UBASH3B: variants seen among roughly 807,000 people sequenced by gnomAD.
The protein encoded by UBASH3B is ubiquitin-associated and SH3 domain-containing protein B.
Under a neutral mutation model 83.4 loss-of-function variants are expected in UBASH3B, and 37 were observed. The observed-to-expected ratio is 0.44, with a 90% confidence interval of 0.34 to 0.58. UBASH3B has a LOEUF of 0.58. UBASH3B is among the 20% of genes least tolerant of loss of function. UBASH3B has a pLI of 0.01. For missense variants in UBASH3B, 657 were observed against 827.2 expected, an observed-to-expected ratio of 0.79 and a Z score of 2.52; for synonymous variants, 304 against 318.3, an observed-to-expected ratio of 0.96 and a Z score of 0.48.
At chr11:122,807,011 A>G (rs1861353168) in intron 12 of UBASH3B, among the ~76,000 whole-genome samples, 1 of 152,244 alleles carries the variant, frequency 6.6e-6, no homozygotes, top group Admixed American at 6.5e-5. Context: ...TCAATTTTTT[A>G]GTGAAAAAGG....
chr11:122,753,018 C>T (rs1306803818), intron 1 of UBASH3B, among the ~76,000 whole-genome samples: 1 of 151,990 alleles, frequency 6.6e-6, no homozygotes. Context: ...TCCTCTGTTC[C>T]TCCCAATACA....
intron 1 of UBASH3B, 123 bp downstream of exon 1, chr11:122,656,333 C>G: frequency 9.6e-7 from 1 of 1,045,792 alleles, no homozygotes; most frequent in Non-Finnish European, 1.2e-6. Context: ...TGCCCGAGAC[C>G]TGTTGGGGGC....
At chr11:122,697,021 C>A (rs1565532599) in intron 1 of UBASH3B, among the ~76,000 whole-genome samples, 1 of 152,110 alleles carries the variant, frequency 6.6e-6, no homozygotes, top group Non-Finnish European at 1.5e-5. Context: ...GGTGTTTGTT[C>A]ATAGCAAAGA....
At chr11:122,768,515 T>C (rs1359440464) in intron 1 of UBASH3B, among the ~76,000 whole-genome samples, 3 of 151,128 alleles carry the variant, frequency 2.0e-5, no homozygotes, top group Non-Finnish European at 4.4e-5. Flanking sequence ...TGTGTATATA[T>C]ATATATTTGA....
rs189412782 is a variant in UBASH3B, at chr11:122,790,810, G to A, written c.980+1502G>A. Among the ~76,000 whole-genome samples, 1,135 of 152,172 alleles carry A rather than the reference G, an allele frequency of 7.5e-3. 18 individuals carry two copies. Among genetic ancestry groups the A allele is most frequent in the African/African-American group, 0.026 (1,068 of 41,530 alleles). ...AAAAATAAAAAAAAAAATCAGCTGGGCGTGGTGGCATACACCTGTAGTCCC... is the reference window on the plus strand; with the variant it reads ...AAAAATAAAAAAAAAAATCAGCTGGACGTGGTGGCATACACCTGTAGTCCC... On this transcript the variant is annotated intron_variant, in intron 6 of 13. Coordinates refer to ENST00000284273, the MANE Select transcript of UBASH3B (RefSeq NM_032873.5).
chr11:122,722,882 T>G (rs1025095547), intron 1 of UBASH3B, among the ~76,000 whole-genome samples: 1 of 152,134 alleles, frequency 6.6e-6, no homozygotes, highest in African/African-American at 2.4e-5. Context: ...ATTTTTTGTA[T>G]TTTTAGTAGA....
At chr11:122,798,876 A>T in intron 9 of UBASH3B, 66 bp from the exon 10 acceptor site, 1 of 1,403,538 alleles carries the variant, frequency 7.1e-7, no homozygotes, top group Non-Finnish European at 1.0e-6. Flanking sequence ...GCCCCCTCTC[A>T]CACTGCGGGT....
chr11:122,709,894 C>T (rs1355880599), intron 1 of UBASH3B, among the ~76,000 whole-genome samples: 5 of 152,050 alleles, frequency 3.3e-5, no homozygotes, highest in Admixed American at 6.6e-5. Flanking sequence ...CTGTGGGTCG[C>T]GCCTGTAATC....
rs1040005865 is a variant in UBASH3B at position 122,758,353 on chromosome 11, G to A, written c.162-17866G>A. On this transcript the variant is annotated intron_variant, in intron 1 of 13. Coordinates refer to ENST00000284273, the MANE Select transcript of UBASH3B (RefSeq NM_032873.5). This position sits in a 1 kb window ranked among gnomAD's most constrained non-coding sequence, Gnocchi z 4.2. ...GAGCGTAACCTTTCTTAGCAGCTTA[G>A]CAGTGGTGGAACGGGCAGAGTAGAA... Among the ~76,000 whole-genome samples the A allele has an allele frequency of 6.6e-6, 1 of 152,242 alleles. No individual in the cohort carries two copies. The highest frequency in any genetic ancestry group is 1.5e-5 in the Non-Finnish European group (1 of 68,050).
chr11:122,712,896 G>GTTT (rs386375116), intron 1 of UBASH3B, among the ~76,000 whole-genome samples: 1,619 of 64,554 alleles, frequency 0.025, 315 homozygotes, highest in East Asian at 0.075. Context: ...TCTCTGGGTG[G>GTTT]TTTTTTTTTT....
chr11:122,714,136 T>A (rs893309864), intron 1 of UBASH3B, among the ~76,000 whole-genome samples: 1 of 152,226 alleles, frequency 6.6e-6, no homozygotes, highest in African/African-American at 2.4e-5. Context: ...GCATCATCTG[T>A]CAGGAAGCTG....
intron 1 of UBASH3B, among the ~76,000 whole-genome samples, chr11:122,695,713 G>A (rs763839062): frequency 6.6e-6 from 1 of 152,128 alleles, no homozygotes; most frequent in African/African-American, 2.4e-5. Context: ...GTTACACAGT[G>A]CCTCACTCCC....
At chr11:122,786,118 C>T (rs942958762) in intron 5 of UBASH3B, among the ~76,000 whole-genome samples, 8 of 152,026 alleles carry the variant, frequency 5.3e-5, no homozygotes, top group South Asian at 4.1e-4. Flanking sequence ...GGTGCAATCT[C>T]GGCTCACTGC....
At position 122,812,468 on chromosome 11, in the gene UBASH3B, A is replaced by G. The variant is rs1861467061; in HGVS notation, c.*2582A>G. The G allele has an allele frequency of 6.6e-6, 1 of 152,222 alleles. No homozygotes were observed. The highest frequency in any genetic ancestry group is 1.5e-5 in the Non-Finnish European group (1 of 68,042). 9.4% of individuals were successfully genotyped at this position (152,222 alleles called of 1,614,324 possible). On this transcript the variant is annotated 3_prime_UTR_variant, in exon 14 of 14. Transcript: ENST00000284273. ...GCTAATATATATAACCTGAAGTTGCAGCTGGTTCTTTTTGATCTGAAGCTG... is the reference window on the plus strand; with the variant it reads ...GCTAATATATATAACCTGAAGTTGCGGCTGGTTCTTTTTGATCTGAAGCTG...
intron 1 of UBASH3B, among the ~76,000 whole-genome samples, chr11:122,732,561 G>T (rs1860860825): frequency 6.6e-6 from 1 of 152,174 alleles, no homozygotes; most frequent in African/African-American, 2.4e-5. Flanking sequence ...AGGAAGGCTT[G>T]TGTTCTTCCA....
intron 1 of UBASH3B, among the ~76,000 whole-genome samples, chr11:122,670,730 C>G (rs1482728139): frequency 6.6e-6 from 1 of 152,036 alleles, no homozygotes; most frequent in Non-Finnish European, 1.5e-5. Context: ...CTCCTCAAGA[C>G]CTAGATGGAG....
At chr11:122,662,749 G>C (rs962414495) in intron 1 of UBASH3B, among the ~76,000 whole-genome samples, 14 of 151,934 alleles carry the variant, frequency 9.2e-5, no homozygotes, top group Non-Finnish European at 1.9e-4. Context: ...TTCTTTCACT[G>C]TACATTAGTT....
chr11:122,770,954 C>G (rs1271667252), intron 1 of UBASH3B, among the ~76,000 whole-genome samples: 3 of 152,244 alleles, frequency 2.0e-5, no homozygotes. Context: ...GCAAGCAAAT[C>G]TGAACATGCC....
chr11:122,765,428 G>A (rs766146491), intron 1 of UBASH3B, among the ~76,000 whole-genome samples: 3 of 152,204 alleles, frequency 2.0e-5, no homozygotes, highest in Non-Finnish European at 4.4e-5. Context: ...TTTGACACTG[G>A]AGAGTGGGAC....
Sources: allele counts gnomAD v4.1 joint callset (sites outside exome capture counted in the v4.1 genomes callset), GRCh38; gene constraint gnomAD v4.1.1; non-coding constraint Gnocchi (gnomAD v3.1); transcripts MANE v1.5; gene names NCBI Gene and HGNC (gene_info 2026-07-23, HGNC 2026-07-21).